Variants in DIP2A observed in about 807,000 individuals in gnomAD.
DIP2A encodes disco-interacting protein 2 homolog A.
DIP2A carries 85 observed loss-of-function variants against 177.4 expected under a neutral mutation model. The observed-to-expected ratio is 0.48, with a 90% confidence interval of 0.40 to 0.57. The LOEUF (loss-of-function observed/expected upper bound fraction) is 0.57, where lower values mean the gene tolerates loss of function less well. Ranked by LOEUF, DIP2A falls within the 20% of genes least tolerant of loss-of-function variation. The pLI is 0.00. For synonymous variants in DIP2A, 886 were observed against 881.8 expected (o/e 1.00, Z -0.08); for missense variants, 1,791 against 2,100.2 (o/e 0.85, Z 2.88).
At position 46,509,136 on chromosome 21, in the gene DIP2A, C is replaced by A. The variant is rs2058180442; in HGVS notation, c.785-121C>A. ...TTCCAAAATGACTGTCCAGTGGGGC[C>A]CACACTTGGATGGATTTGTAAGCTC... is the stretch of plus-strand genomic sequence containing the variant. On this transcript the variant is annotated intron_variant, in intron 6 of 37. Coordinates refer to ENST00000417564, the MANE Select transcript of DIP2A (RefSeq NM_015151.4). The A allele has an allele frequency of 6.3e-6, 7 of 1,113,898 alleles. No homozygotes were observed. In the South Asian group the frequency reaches 2.0e-4, roughly 32 times the overall value. The allele number at this position is 1,113,898 out of a possible 1,614,324, so 69.0% of individuals were successfully genotyped here. A position where few individuals can be genotyped will look rare whatever the true frequency, so the allele number is the denominator to read the frequency against.
rs2056950269 is a variant in DIP2A at position 46,490,509 on chromosome 21, G to C, written c.164-91G>C. On this transcript the variant is annotated intron_variant, in intron 2 of 37. Transcript: ENST00000417564. ...GCTCTTTGATAGAGGGTATGCAACA[G>C]ATGAGAAATGTAAGCTGTTTTCAAT... is the stretch of plus-strand genomic sequence containing the variant. 1.1e-5 allele frequency: 16 copies of C among 1,417,796 alleles called. No homozygotes were observed. The African/African-American group carries it at 1.6e-4, about 14-fold the overall frequency. The allele number at this position is 1,417,796 out of a possible 1,614,324, so 87.8% of individuals were successfully genotyped here. A position where few individuals can be genotyped will look rare whatever the true frequency, so the allele number is the denominator to read the frequency against.
At chr21:46,475,866 A>G (rs17300965) in intron 1 of DIP2A, among the ~76,000 whole-genome samples, 7,212 of 152,262 alleles carry the variant, frequency 0.047, 226 homozygotes, top group Non-Finnish European at 0.064. Flanking sequence ...GTGTTTTTGC[A>G]TATTTTAAAA....
intron 28 of DIP2A, chr21:46,555,764 A>C (rs2060445448): frequency 1.8e-6 from 1 of 562,162 alleles, no homozygotes; most frequent in South Asian, 2.0e-5. Flanking sequence ...CCACAGGCTC[A>C]GTGTGGTCTT....
rs1569062912 is a variant in DIP2A, at chr21:46,537,398, T to C, written c.1708-48T>C. ...TACATCGGTTTTGTTTTGCTTTTTC[T>C]GGTGTGGCTCGGGCCCACTCGCCCT... On this transcript the variant is annotated intron_variant, in intron 14 of 37. Coordinates refer to ENST00000417564, the MANE Select transcript of DIP2A (RefSeq NM_015151.4). The surrounding 1 kb of genome is among the most constrained non-coding windows in gnomAD (Gnocchi z 4.1). 4 of 1,611,572 alleles carry C rather than the reference T, an allele frequency of 2.5e-6. No individual in the cohort carries two copies. The highest frequency in any genetic ancestry group is 3.4e-6 in the Non-Finnish European group (4 of 1,177,778).
At chr21:46,581,261 G>A in the DIP2A span, among the ~76,000 whole-genome samples, 2 of 152,188 alleles carry the variant, frequency 1.3e-5, no homozygotes, top group East Asian at 1.9e-4. Flanking sequence ...TGGTTGCATT[G>A]TGAAGTTCTC....
chr21:46,548,604 A>G (rs2060152471), intron 21 of DIP2A, among the ~76,000 whole-genome samples: 5 of 152,280 alleles, frequency 3.3e-5, no homozygotes, highest in Admixed American at 3.3e-4. Context: ...ATACAGCTAG[A>G]GAACAAGTAG....
At chr21:46,484,919 G>A (rs1601441463) in intron 2 of DIP2A, 91 bp downstream of exon 2, 1 of 1,313,660 alleles carries the variant, frequency 7.6e-7, no homozygotes, top group Non-Finnish European at 1.0e-6. Flanking sequence ...ACATTTGTTA[G>A]CAATGTTAAA....
Position 46,529,124 on chromosome 21 carries a change from T to C in DIP2A, c.1135T>C (p.Tyr379His). 6.5e-7 allele frequency: 1 copy of C among 1,531,948 alleles called. No homozygotes were observed. The highest frequency in any genetic ancestry group is 1.7e-4 in the Middle Eastern group (1 of 5,960). The allele number at this position is 1,531,948 out of a possible 1,614,324, so 94.9% of individuals were successfully genotyped here. A position where few individuals can be genotyped will look rare whatever the true frequency, so the allele number is the denominator to read the frequency against. ...TTGGAGTCGGAGTTTAAAACTAGCT[T>C]ATACTCTACTTAATAAACTGACAAG... ...KLWSRSLKLA[Y>H]TLLNKLTSKN... Residue 379 changes from tyrosine (Y) to histidine (H), a missense_variant, in exon 9 of 38, where the codon TAT (tyrosine) becomes CAT (histidine). Transcript: ENST00000417564.
chr21:46,508,001 G>A (rs542488590), intron 6 of DIP2A, among the ~76,000 whole-genome samples: 3 of 151,360 alleles, frequency 2.0e-5, no homozygotes, highest in South Asian at 2.1e-4. Context: ...GAACCCCAAT[G>A]TGCTGGGATT....
At chr21:46,553,986 A>T (rs562620716) in intron 25 of DIP2A, 183 bp from the exon 26 acceptor site, 1 of 700,352 alleles carries the variant, frequency 1.4e-6, no homozygotes, top group Non-Finnish European at 2.1e-6. Context: ...CAACATGGTG[A>T]AACCCCATCT....
intron 8 of DIP2A, among the ~76,000 whole-genome samples, chr21:46,526,067 C>T (rs1190708371): frequency 2.6e-5 from 4 of 151,604 alleles, no homozygotes; most frequent in South Asian, 4.2e-4. Flanking sequence ...TGCCACCACA[C>T]CCGGCTAATT....
At chr21:46,476,625 C>A (rs1242256577) in intron 1 of DIP2A, among the ~76,000 whole-genome samples, 2 of 151,242 alleles carry the variant, frequency 1.3e-5, no homozygotes, top group Non-Finnish European at 2.9e-5. Flanking sequence ...GGATGAATCT[C>A]ACGTCTTCTA....
chr21:46,558,303 C>T lies in DIP2A; in HGVS notation c.3879C>T (p.Ser1293=). The change falls in exon 32 of 38, where the codon TCC becomes TCT. Residue 1293 remains serine, a synonymous_variant. Transcript: ENST00000417564. ...GGCCCAGGATTGCGCTGACCCAGTCCTTCTCCAAGCTCTTCAAGGACCTGG... is the reference window on the plus strand; with the variant it reads ...GGCCCAGGATTGCGCTGACCCAGTCTTTCTCCAAGCTCTTCAAGGACCTGG... The part of the protein sequence containing the change: ...EERPRIALTQ[S]FSKLFKDLGL... The T allele has an allele frequency of 6.2e-7, 1 of 1,609,644 alleles. No individual in the cohort carries two copies. Among genetic ancestry groups the T allele is most frequent in the South Asian group, 1.1e-5 (1 of 90,108 alleles).
rs1012699180 is a variant in DIP2A, at chr21:46,475,567, T to A, written c.92-9190T>A. Among the ~76,000 whole-genome samples the A allele has an allele frequency of 2.0e-5, 3 of 152,240 alleles. No homozygotes were observed. The East Asian group carries it at 5.8e-4, about 29-fold the overall frequency. ...CTTCAGTTTGAAAGTCTTTTAAGAG[T>A]TAGAAACTTCTGAATATGGAAGACT... On this transcript the variant is annotated intron_variant, in intron 1 of 37. Coordinates refer to ENST00000417564, the MANE Select transcript of DIP2A (RefSeq NM_015151.4).
Position 46,498,535 on chromosome 21 carries a change from C to G in DIP2A, c.404-47C>G, listed in dbSNP as rs779439144. On this transcript the variant is annotated intron_variant, in intron 4 of 37. Coordinates refer to ENST00000417564, the MANE Select transcript of DIP2A (RefSeq NM_015151.4). The surrounding 1 kb of genome is among the most constrained non-coding windows in gnomAD (Gnocchi z 4.3). ...GTGTGAGTGGGAACTCCGTCCTCCT[C>G]TTGACTCATCCCGATATCATGCCTG... The G allele has an allele frequency of 3.8e-6, 6 of 1,564,448 alleles. No individual in the cohort carries two copies. The highest frequency in any genetic ancestry group is 1.7e-6 in the Non-Finnish European group (2 of 1,154,688).
chr21:46,535,427 A>G (rs1341568353), intron 13 of DIP2A, among the ~76,000 whole-genome samples: 1 of 152,204 alleles, frequency 6.6e-6, no homozygotes, highest in Non-Finnish European at 1.5e-5. Context: ...TATCTAAAAT[A>G]TAGGTGTTCA....
the DIP2A span, among the ~76,000 whole-genome samples, chr21:46,576,977 G>GT: frequency 1.3e-5 from 2 of 152,068 alleles, no homozygotes; most frequent in South Asian, 2.1e-4. Flanking sequence ...AATGAGGTTG[G>GT]TTTTTTCTTG....
chr21:46,531,807 A>G (rs2059368993), intron 9 of DIP2A, among the ~76,000 whole-genome samples: 1 of 152,246 alleles, frequency 6.6e-6, no homozygotes, highest in Admixed American at 6.5e-5. Flanking sequence ...CCAAATTTTG[A>G]AGGAGAACCT....
In DIP2A at chr21:46,567,454, G is replaced by A; in HGVS notation, c.4548G>A (p.Leu1516=). ...AGGATGCCCTGGACCTGGTGGCCCT[G>A]GTGACCAACGTGGTGCTGGAGGAGC... ...LEQDALDLVA[L]VTNVVLEEHY... The change falls in exon 38 of 38, where the codon CTG becomes CTA. Residue 1516 remains leucine (L), a synonymous_variant. Transcript: ENST00000417564. 6.2e-7 allele frequency: 1 copy of A among 1,613,970 alleles called. No homozygotes were observed. The highest frequency in any genetic ancestry group is 8.5e-7 in the Non-Finnish European group (1 of 1,179,886).
Sources: allele counts gnomAD v4.1 joint callset (sites outside exome capture counted in the v4.1 genomes callset), GRCh38; gene constraint gnomAD v4.1.1; non-coding constraint Gnocchi (gnomAD v3.1); transcripts MANE v1.5; gene names NCBI Gene and HGNC (gene_info 2026-07-23, HGNC 2026-07-21).